Variants in NOP2 observed in about 807,000 individuals in gnomAD.
NOP2 encodes the protein NOP2 nucleolar protein.
NOP2 carries 7 observed loss-of-function variants against 72.7 expected under a neutral mutation model. That is an observed-to-expected ratio of 0.10 (90% CI 0.05 to 0.18). The LOEUF (loss-of-function observed/expected upper bound fraction) is 0.18. Among genes scored for constraint, NOP2 ranks in the 10% least tolerant of loss-of-function variants. The pLI is 1.00. For synonymous variants in NOP2, 387 were observed against 388.0 expected, an observed-to-expected ratio of 1.00 and a Z score of 0.03; for missense variants, 954 against 1,014.7, an observed-to-expected ratio of 0.94 and a Z score of 0.81.
Position 6,560,910 on chromosome 12 carries a change from GAC to G in NOP2, c.1347+19_1347+20del. 1 of 1,613,452 alleles carries G rather than the reference GAC, an allele frequency of 6.2e-7. No homozygotes were observed. Among genetic ancestry groups the G allele is most frequent in the Non-Finnish European group, 8.5e-7 (1 of 1,179,584 alleles). ...AGGTCAACCGGAAGAAGCCTCAGAA[GAC>G]ACACAGCTCGAGTCTCACCTTGGGG... On this transcript the variant is annotated intron_variant, in intron 12 of 15. Coordinates refer to ENST00000322166, the MANE Select transcript of NOP2 (RefSeq NM_001258308.2). This position sits in a 1 kb window ranked among gnomAD's most constrained non-coding sequence, Gnocchi z 5.0.
At position 6,566,577 on chromosome 12, in the gene NOP2, T is replaced by C. The variant is rs1348969418; in HGVS notation, c.190A>G (p.Thr64Ala). Residue 64 changes from threonine to alanine, a missense_variant, in exon 4 of 16, where the codon ACA becomes GCA. This residue lies in a region of NOP2 where 498 missense variants were observed against 478.3 expected (regional missense o/e 1.04). Coordinates refer to ENST00000322166, the MANE Select transcript of NOP2 (RefSeq NM_001258308.2). ...RRLGSVEAPK[T>A]NKSPEAKPLP... The stretch of plus-strand genomic sequence containing the variant: ...GGTTTGGCCTCAGGAGACTTATTTG[T>C]CTTAGGGGCTTCAACAGAGCCCAAT... 1.3e-5 allele frequency: 21 copies of C among 1,613,868 alleles called. No homozygotes were observed. The highest frequency in any genetic ancestry group is 1.6e-5 in the Non-Finnish European group (19 of 1,179,898).
chr12:6,559,365 C>T (rs541245607), intron 15 of NOP2, among the ~76,000 whole-genome samples: 9 of 152,190 alleles, frequency 5.9e-5, no homozygotes, highest in African/African-American at 4.8e-5. Context: ...GTGATCCACC[C>T]GTCTTGGCCT....
rs746711655 is a variant in NOP2, at chr12:6,560,811, CAT to C, written c.1348-26_1348-25del. On this transcript the variant is annotated intron_variant, in intron 12 of 15. Coordinates refer to ENST00000322166, the MANE Select transcript of NOP2 (RefSeq NM_001258308.2). This position sits in a 1 kb window ranked among gnomAD's most constrained non-coding sequence, Gnocchi z 5.0. ...ACCTGGAGAAAAGATACAGATGAAT[CAT>C]ATGTCTCTTCTGCAACCAGCAGGGC... 34 of 1,610,208 alleles carry C rather than the reference CAT, an allele frequency of 2.1e-5. No homozygotes were observed. The highest frequency in any genetic ancestry group is 1.4e-4 in the South Asian group (13 of 90,442).
At chr12:6,566,910 G>T in intron 2 of NOP2, 88 bp from the exon 3 acceptor site, 2 of 1,042,936 alleles carry the variant, frequency 1.9e-6, no homozygotes. Context: ...AAGAGAATTA[G>T]TACACTAATT....
chr12:6,566,914 A>G, intron 2 of NOP2, 92 bp from the exon 3 acceptor site: 1 of 1,007,426 alleles, frequency 9.9e-7, no homozygotes, highest in South Asian at 1.4e-5. Flanking sequence ...GAATTAGTAC[A>G]CTAATTAAAA....
At chr12:6,558,172 C>A in intron 15 of NOP2, 1 of 368,488 alleles carries the variant, frequency 2.7e-6, no homozygotes, top group Non-Finnish European at 5.1e-6. Flanking sequence ...AAAATCACTG[C>A]CTATCCTTGG....
chr12:6,556,920 A>G lies in NOP2; in HGVS notation c.*73T>C. The G allele has an allele frequency of 6.5e-7, 1 of 1,539,720 alleles. No homozygotes were observed. The highest frequency in any genetic ancestry group is 8.9e-7 in the Non-Finnish European group (1 of 1,125,376). On this transcript the variant is annotated 3_prime_UTR_variant, in exon 16 of 16. Coordinates refer to ENST00000322166, the MANE Select transcript of NOP2 (RefSeq NM_001258308.2). ...ATTTCATGGGTATGCACAGTAGAGA[A>G]GGCATCCTCACAGAGGCAAGAGTTC... is the stretch of plus-strand genomic sequence containing the variant.
chr12:6,557,077 C>CA lies in NOP2; in HGVS notation c.2354dup (p.Ser786ValfsTer31), dbSNP rs557643802. The stretch of plus-strand genomic sequence containing the variant: ...GGGGGCGGCTGGAACGGATGGGAGA[C>CA]ACAGTGGGAGGCTGAGGCCCCTTGG... On this transcript the variant is annotated frameshift_variant, in exon 16 of 16. Coordinates refer to ENST00000322166, the MANE Select transcript of NOP2 (RefSeq NM_001258308.2). LOFTEE classifies it low-confidence loss of function (END_TRUNC). 7.2e-4 allele frequency: 1,162 copies of CA among 1,613,978 alleles called. 19 individuals carry two copies. In the South Asian group the frequency reaches 9.7e-3, roughly 13 times the overall value.
In NOP2 at chr12:6,557,174, T is replaced by C; in HGVS notation, c.2258A>G (p.Lys753Arg). 1 of 1,614,004 alleles carries C rather than the reference T, an allele frequency of 6.2e-7. No individual in the cohort carries two copies. The change falls in exon 16 of 16, where the codon AAG (lysine) becomes AGG (arginine). Residue 753 changes from lysine (K) to arginine (R), a missense_variant. By Grantham distance (26) the Lys-to-Arg change is conservative. This residue lies in a region of NOP2 where 269 missense variants were observed against 260.2 expected (regional missense o/e 1.03). Coordinates refer to ENST00000322166, the MANE Select transcript of NOP2 (RefSeq NM_001258308.2). ...TGGCAACTGCTGCTTCTCAACCCCCTTGGCCCTTCCAAGGGGCTGATGATG... is the reference window on the plus strand; with the variant it reads ...TGGCAACTGCTGCTTCTCAACCCCCCTGGCCCTTCCAAGGGGCTGATGATG... ...KDHHQPLGRA[K>R]GVEKQQLPEQ... is the part of the protein sequence containing the mutation.
chr12:6,562,382 CCCA>C lies in NOP2; in HGVS notation c.979-414_979-412del, dbSNP rs1338869615. On this transcript the variant is annotated intron_variant, in intron 9 of 15. Coordinates refer to ENST00000322166, the MANE Select transcript of NOP2 (RefSeq NM_001258308.2). ...TGCTTCATAAAAACATGGCCCATAC[CCCA>C]CAACTCCTATAGTGCTTACTCCAAA... is the stretch of plus-strand genomic sequence containing the variant. 1.6e-4 allele frequency among the ~76,000 whole-genome samples: 24 copies of C among 152,228 alleles called. 1 individual carries two copies. Among genetic ancestry groups the C allele is most frequent in the Admixed American group, 1.4e-3 (21 of 15,288 alleles).
At chr12:6,566,716 T>G (rs1947788318) in intron 3 of NOP2, 61 bp downstream of exon 3, 1 of 1,595,168 alleles carries the variant, frequency 6.3e-7, no homozygotes, top group East Asian at 2.2e-5. Flanking sequence ...TAGAATTAAC[T>G]CTGTGGTCAA....
In NOP2 at chr12:6,561,902, C is replaced by A; in HGVS notation, c.1048G>T (p.Asp350Tyr). 6.2e-7 allele frequency: 1 copy of A among 1,611,618 alleles called. No individual in the cohort carries two copies. Among genetic ancestry groups the A allele is most frequent in the South Asian group, 1.1e-5 (1 of 90,460 alleles). Residue 350 changes from aspartate (D) to tyrosine (Y), a missense_variant, in exon 10 of 16, where the codon GAT (aspartate) becomes TAT (tyrosine). Coordinates refer to ENST00000322166, the MANE Select transcript of NOP2 (RefSeq NM_001258308.2). The stretch of plus-strand genomic sequence containing the variant: ...GACTTACCAATGGGCACAGAAGAAT[C>A]ATACACCACTAGTCCAGTCTTTGAC... The part of the protein sequence containing the change: ...KWSKTGLVVY[D>Y]SSVPIGATPE...
At chr12:6,566,949 G>T in intron 2 of NOP2, 127 bp from the exon 3 acceptor site, 2 of 745,482 alleles carry the variant, frequency 2.7e-6, no homozygotes, top group Non-Finnish European at 4.4e-6. Flanking sequence ...TCTCAGCCCT[G>T]TTATTATTTA....
In NOP2 at chr12:6,560,932, T is replaced by C; in HGVS notation, c.1346A>G (p.Lys449Arg). The C allele has an allele frequency of 6.2e-7, 1 of 1,613,844 alleles. No individual in the cohort carries two copies. The highest frequency in any genetic ancestry group is 2.2e-5 in the East Asian group (1 of 44,876). The change falls in exon 12 of 16, where the codon AAG becomes AGG. Residue 449 changes from lysine (K) to arginine (R), a missense_variant and splice_region_variant. By Grantham distance (26) the Lys-to-Arg change is conservative. Transcript: ENST00000322166. This position sits in a 1 kb window ranked among gnomAD's most constrained non-coding sequence, Gnocchi z 5.0. ...ISHYDGRQFP[K>R]VVGGFDRVLL... The stretch of plus-strand genomic sequence containing the variant: ...GAAGACACACAGCTCGAGTCTCACC[T>C]TGGGGAACTGGCGCCCATCATAGTG...
At position 6,560,479 on chromosome 12, in the gene NOP2, C is replaced by A; in HGVS notation, c.1528G>T (p.Gly510Cys). ...GAACAGGTGCAGTAAACCAGGTAGC[C>A]TCCTGTCTTGGAGGTCGCATTGACA... ...DSVNATSKTG[G>C]YLVYCTCSIT... The change falls in exon 14 of 16, where the codon GGC becomes TGC. Residue 510 changes from glycine (G) to cysteine (C), a missense_variant. This residue lies in a region of NOP2 where 187 missense variants were observed against 276.2 expected (regional missense o/e 0.68). Transcript: ENST00000322166. The surrounding 1 kb of genome is among the most constrained non-coding windows in gnomAD (Gnocchi z 5.0). The A allele has an allele frequency of 6.2e-7, 1 of 1,603,860 alleles. No individual in the cohort carries two copies. Among genetic ancestry groups the A allele is most frequent in the Non-Finnish European group, 8.5e-7 (1 of 1,174,208 alleles).
chr12:6,558,125 A>T (rs545232748), intron 15 of NOP2: 18 of 362,824 alleles, frequency 5.0e-5, no homozygotes, highest in African/African-American at 4.5e-4. Flanking sequence ...TGAGCGACAA[A>T]GCAAGACACC....
intron 15 of NOP2, among the ~76,000 whole-genome samples, chr12:6,559,157 C>T (rs1284457844): frequency 1.3e-5 from 2 of 151,510 alleles, no homozygotes; most frequent in Non-Finnish European, 1.5e-5. Flanking sequence ...CTCACTCTGT[C>T]GCCCAGGCTG....
chr12:6,565,656 G>A (rs1947760891), intron 5 of NOP2, among the ~76,000 whole-genome samples: 1 of 151,454 alleles, frequency 6.6e-6, no homozygotes, highest in African/African-American at 2.4e-5. Context: ...TTAATTTTTT[G>A]TAGATACGGG....
rs1947616944 is a variant in NOP2, at chr12:6,560,533, T to C, written c.1474A>G (p.Lys492Glu). 1.9e-6 allele frequency: 3 copies of C among 1,603,750 alleles called. No individual in the cohort carries two copies. Among genetic ancestry groups the C allele is most frequent in the Non-Finnish European group, 1.7e-6 (2 of 1,173,992 alleles). ...KDILRCAHLQ[K>E]ELLLSAIDSV... ...TCAATAGCACTCAGGAGCAACTCCT[T>C]CTGGAGGTGAGCACAGCGCAGGATG... Residue 492 changes from lysine (K) to glutamate (E), a missense_variant, in exon 14 of 16, where the codon AAG becomes GAG. Physicochemically the swap from Lys to Glu is moderately conservative, Grantham distance 56. Coordinates refer to ENST00000322166, the MANE Select transcript of NOP2 (RefSeq NM_001258308.2). The surrounding 1 kb of genome is among the most constrained non-coding windows in gnomAD (Gnocchi z 5.0).
Sources: allele counts gnomAD v4.1 joint callset (sites outside exome capture counted in the v4.1 genomes callset), GRCh38; gene constraint gnomAD v4.1.1; regional missense constraint gnomAD v4.1.1; non-coding constraint Gnocchi (gnomAD v3.1); transcripts MANE v1.5; gene names NCBI Gene and HGNC (gene_info 2026-07-23, HGNC 2026-07-21).